MTFR1: variants seen among roughly 807,000 people sequenced by gnomAD.
MTFR1 encodes mitochondrial fission regulator 1, also known as chondrocyte protein with a poly-proline region.
MTFR1 carries 28 observed loss-of-function variants against 38.8 expected under a neutral mutation model. The ratio of observed to expected loss-of-function variants is 0.72; its 90% confidence interval spans 0.53 to 0.99. MTFR1 has a LOEUF of 0.99. Ranked by LOEUF, MTFR1 falls within the 50% of genes least tolerant of loss-of-function variation. MTFR1 has a pLI of 0.00. For synonymous variants in MTFR1, 145 were observed against 137.0 expected (o/e 1.06, Z -0.41); for missense variants, 358 against 395.5 (o/e 0.91, Z 0.81).
intron 2 of MTFR1, among the ~76,000 whole-genome samples, chr8:65,673,341 A>T (rs954513785): frequency 1.3e-5 from 2 of 151,884 alleles, no homozygotes; most frequent in African/African-American, 4.8e-5. Flanking sequence ...CAATTAAAGT[A>T]GTAACAAATA....
At position 65,661,181 on chromosome 8, in the gene MTFR1, A is replaced by G. The variant is rs74915421; in HGVS notation, c.-80-8692A>G. Among the ~76,000 whole-genome samples, 521 of 152,338 alleles carry G rather than the reference A, an allele frequency of 3.4e-3. 2 individuals carry two copies. The highest frequency in any genetic ancestry group is 0.014 in the Middle Eastern group (4 of 294). On this transcript the variant is annotated intron_variant, in intron 1 of 7. Coordinates refer to ENST00000262146, the MANE Select transcript of MTFR1 (RefSeq NM_014637.4). ...ATTTGCCTTAACCCACACAATGTAC[A>G]GTAATGAAAGTGTACTGTTAGGTAA...
chr8:65,735,907 G>A (rs1807109656), intron 3 of MTFR1, among the ~76,000 whole-genome samples: 1 of 152,148 alleles, frequency 6.6e-6, no homozygotes, highest in Non-Finnish European at 1.5e-5. Context: ...TTACAGGTAT[G>A]AGCCACCATG....
chr8:65,707,283 C>T, intron 6 of MTFR1, 27 bp downstream of exon 6: 2 of 1,596,166 alleles, frequency 1.3e-6, no homozygotes, highest in Non-Finnish European at 1.7e-6. Flanking sequence ...CTTCTTTCTT[C>T]CCCATTTGTT....
intron 1 of MTFR1, among the ~76,000 whole-genome samples, chr8:65,648,803 A>G (rs982736514): frequency 1.3e-5 from 2 of 152,198 alleles, no homozygotes; most frequent in East Asian, 1.9e-4. Context: ...ATAAAGCAGT[A>G]TAACTAAGAT....
chr8:65,739,759 A>G (rs978519124), intron 3 of MTFR1, among the ~76,000 whole-genome samples: 1 of 152,230 alleles, frequency 6.6e-6, no homozygotes, highest in Admixed American at 6.5e-5. Context: ...TGAACTTTAT[A>G]TGTCACATCT....
chr8:65,655,988 AGTGGG>A (rs1809259214), intron 1 of MTFR1, among the ~76,000 whole-genome samples: 1 of 41,556 alleles, frequency 2.4e-5, no homozygotes, highest in Non-Finnish European at 4.9e-5. Context: ...TATATATGGT[AGTGGG>A]TTGATGTAGG....
intron 3 of MTFR1, among the ~76,000 whole-genome samples, chr8:65,768,085 T>C (rs1049760896): frequency 2.0e-5 from 3 of 152,166 alleles, no homozygotes; most frequent in African/African-American, 7.2e-5. Flanking sequence ...CACCGCTTGG[T>C]GTGTTGGGAG....
chr8:65,708,724 C>T (rs1805857131), intron 7 of MTFR1, among the ~76,000 whole-genome samples: 1 of 152,136 alleles, frequency 6.6e-6, no homozygotes, highest in Non-Finnish European at 1.5e-5. Context: ...TTAACAAAAG[C>T]AGGGTATTGC....
At chr8:65,777,846 C>T in the MTFR1 span, among the ~76,000 whole-genome samples, 2 of 152,118 alleles carry the variant, frequency 1.3e-5, no homozygotes, top group South Asian at 4.1e-4. Context: ...TTTTGGTTTT[C>T]ATAGTTATAC....
Position 65,657,221 on chromosome 8 carries a change from C to T in MTFR1, c.-81+12437C>T, listed in dbSNP as rs191372256. 5.9e-5 allele frequency among the ~76,000 whole-genome samples: 9 copies of T among 152,156 alleles called. No homozygotes were observed. The South Asian group carries it at 6.2e-4, about 11-fold the overall frequency. ...AGAGATGGAGTTTCACCATGTTGGC[C>T]GGGCTGGTCTCGAATTCCTGACCCC... On this transcript the variant is annotated intron_variant, in intron 1 of 7. Coordinates refer to ENST00000262146, the MANE Select transcript of MTFR1 (RefSeq NM_014637.4).
intron 5 of MTFR1, among the ~76,000 whole-genome samples, chr8:65,705,302 G>A (rs115785995): frequency 0.021 from 3,128 of 152,228 alleles, 105 homozygotes; most frequent in African/African-American, 0.071. Flanking sequence ...CCGGCCTGGC[G>A]ACAGAGCAAG....
At chr8:65,736,743 C>T (rs1452943389) in intron 3 of MTFR1, among the ~76,000 whole-genome samples, 1 of 149,962 alleles carries the variant, frequency 6.7e-6, no homozygotes, top group African/African-American at 2.5e-5. Context: ...GAGCAAGACT[C>T]TCCAAAAGAA....
chr8:65,729,486 TGGA>T (rs1294430211), intron 3 of MTFR1, among the ~76,000 whole-genome samples: 2 of 151,026 alleles, frequency 1.3e-5, no homozygotes, highest in Non-Finnish European at 2.9e-5. Context: ...GGCACTATCA[TGGA>T]GGAGAGCAGT....
intron 5 of MTFR1, among the ~76,000 whole-genome samples, chr8:65,705,153 A>G (rs912368311): frequency 2.0e-5 from 3 of 152,008 alleles, no homozygotes; most frequent in Non-Finnish European, 2.9e-5. Flanking sequence ...GTGAAACCCC[A>G]TCTCTACTAA....
the MTFR1 span, among the ~76,000 whole-genome samples, chr8:65,777,609 C>T: frequency 6.6e-6 from 1 of 152,138 alleles, no homozygotes; most frequent in African/African-American, 2.4e-5. Flanking sequence ...AGATTACATG[C>T]TAGCCTTACG....
At chr8:65,670,536 T>C (rs773842616) in intron 2 of MTFR1, among the ~76,000 whole-genome samples, 13 of 152,250 alleles carry the variant, frequency 8.5e-5, no homozygotes, top group Non-Finnish European at 1.8e-4. Flanking sequence ...TCTACTGATA[T>C]ATAAAGTTTG....
At chr8:65,703,236 T>G (rs994560753) in intron 4 of MTFR1, among the ~76,000 whole-genome samples, 3 of 151,312 alleles carry the variant, frequency 2.0e-5, no homozygotes, top group Admixed American at 6.6e-5. Flanking sequence ...AAGAAAAAAA[T>G]TAGCCAGGCA....
chr8:65,671,593 G>A (rs1804570680), intron 2 of MTFR1, among the ~76,000 whole-genome samples: 1 of 150,972 alleles, frequency 6.6e-6, no homozygotes, highest in South Asian at 2.1e-4. Flanking sequence ...ATCATAGTGT[G>A]GATTGACATT....
At chr8:65,645,779 T>A (rs1808949973) in intron 1 of MTFR1, among the ~76,000 whole-genome samples, 1 of 147,470 alleles carries the variant, frequency 6.8e-6, no homozygotes, top group East Asian at 2.1e-4. Flanking sequence ...TCCTCCCTCC[T>A]TGGCCTCCCA....
Sources: gnomAD v4.1 joint callset for allele counts (sites outside exome capture counted in the v4.1 genomes callset) on GRCh38, gnomAD v4.1.1 for gene constraint, MANE v1.5 for transcripts, NCBI Gene and HGNC (gene_info 2026-07-23, HGNC 2026-07-21) for gene names.